The following CTSB variants were observed in gnomAD, a reference collection of about 807,000 sequenced individuals.
CTSB encodes the protein cathepsin B.
CTSB carries 57 observed loss-of-function variants against 44.3 expected under a neutral mutation model. The ratio of observed to expected loss-of-function variants is 1.29; its 90% CI spans 1.04 to 1.60. The LOEUF (loss-of-function observed/expected upper bound fraction) is 1.60, where lower values mean the gene tolerates loss of function less well. CTSB is among the 40% of genes most tolerant of loss of function. The pLI, the probability that CTSB is intolerant of heterozygous loss-of-function variation, is 0.00. For missense variants in CTSB, 768 were observed against 443.0 expected (o/e 1.73, Z -6.59); for synonymous variants, 320 against 168.0 (o/e 1.91, Z -7.00).
intron 1 of CTSB, among the ~76,000 whole-genome samples, chr8:11,866,660 GA>G (rs1817196717): frequency 6.6e-6 from 1 of 152,210 alleles, no homozygotes; most frequent in African/African-American, 2.4e-5. Flanking sequence ...AGGAGGTCAA[GA>G]TCTGCCTGGT....
At chr8:11,855,683 G>A (rs1036542728) in intron 1 of CTSB, among the ~76,000 whole-genome samples, 1 of 152,100 alleles carries the variant, frequency 6.6e-6, no homozygotes, top group Non-Finnish European at 1.5e-5. Context: ...TCAGAAAAAT[G>A]GAACCAGCAT....
At position 11,845,149 on chromosome 8, in the gene CTSB, G is replaced by A. The variant is rs759777408; in HGVS notation, c.996C>T (p.Thr332=). ...ESEVVAGIPR[T]DQYWEKI ...ATTAGATCTTTTCCCAGTACTGATC[G>A]GTGCGTGGAATTCCAGCCACCACTT... Residue 332 remains threonine (T), a synonymous_variant, in exon 10 of 10, where the codon ACC becomes ACT. Transcript: ENST00000353047. 124 of 1,613,406 alleles carry A rather than the reference G, an allele frequency of 7.7e-5. No individual in the cohort carries two copies. Among genetic ancestry groups the A allele is most frequent in the South Asian group, 1.4e-4 (13 of 91,072 alleles).
At chr8:11,848,613 C>T (rs936010692) in intron 5 of CTSB, 11 of 321,106 alleles carry the variant, frequency 3.4e-5, no homozygotes, top group Admixed American at 8.2e-5. Context: ...CAGTGAACAC[C>T]GCTACTGCGG....
intron 2 of CTSB, 27 bp from the exon 3 acceptor site, chr8:11,852,722 A>G (rs779915336): frequency 3.3e-5 from 53 of 1,606,876 alleles, no homozygotes; most frequent in Non-Finnish European, 3.5e-5. Context: ...CACTGACTGA[A>G]GGGTCTCCCG....
At chr8:11,853,142 CGTG>C (rs886270376) in intron 2 of CTSB, among the ~76,000 whole-genome samples, 184 bp downstream of exon 2, 2 of 152,012 alleles carry the variant, frequency 1.3e-5, no homozygotes. Context: ...CATGCACACA[CGTG>C]GGGTATGGGA....
At chr8:11,847,544 T>C in intron 7 of CTSB, 135 bp downstream of exon 7, 1 of 962,352 alleles carries the variant, frequency 1.0e-6, no homozygotes, top group Non-Finnish European at 1.5e-6. Flanking sequence ...CAAGAGGGCA[T>C]CACTCCCCCT....
At chr8:11,845,849 C>T in intron 8 of CTSB, 60 bp from the exon 9 acceptor site, 2 of 1,511,958 alleles carry the variant, frequency 1.3e-6, no homozygotes, top group Middle Eastern at 1.8e-4. Flanking sequence ...CCCCACAGCA[C>T]CCCCCACACT....
At chr8:11,862,731 CTG>C (rs1447983579) in intron 1 of CTSB, among the ~76,000 whole-genome samples, 1 of 152,248 alleles carries the variant, frequency 6.6e-6, no homozygotes, top group Non-Finnish European at 1.5e-5. Flanking sequence ...AGCTGTGTGA[CTG>C]TGTGTGTGCA....
rs11786618 is a variant in CTSB, at chr8:11,843,821, G to A, written c.*1304C>T. On this transcript the variant is annotated 3_prime_UTR_variant, in exon 10 of 10. Transcript: ENST00000353047. ...TGAGGCAGGCAGACCACCTGAGGCCGGGAGTTTGAAACTAGCCTGGCCAAC... is the reference window on the plus strand; with the variant it reads ...TGAGGCAGGCAGACCACCTGAGGCCAGGAGTTTGAAACTAGCCTGGCCAAC... 45,036 of 152,140 alleles carry A rather than the reference G, an allele frequency of 0.3. 7,918 individuals are homozygous for A. Among genetic ancestry groups the A allele is most frequent in the East Asian group, 0.48 (2,505 of 5,176 alleles). 9.4% of individuals were successfully genotyped at this position (152,140 alleles called of 1,614,324 possible).
At chr8:11,858,867 C>G (rs1815942587) in intron 1 of CTSB, among the ~76,000 whole-genome samples, 1 of 152,214 alleles carries the variant, frequency 6.6e-6, no homozygotes, top group Non-Finnish European at 1.5e-5. Flanking sequence ...ATTTTCACTT[C>G]CCTTTATATA....
chr8:11,861,663 C>T (rs1816436116), intron 1 of CTSB, among the ~76,000 whole-genome samples: 1 of 152,200 alleles, frequency 6.6e-6, no homozygotes, highest in African/African-American at 2.4e-5. Flanking sequence ...GCTTTTACTC[C>T]CCATTTCTGT....
chr8:11,853,402 CGGGCATTG>C lies in CTSB; in HGVS notation c.45_52del (p.Asn16GlufsTer11). 1 of 1,612,828 alleles carries C rather than the reference CGGGCATTG, an allele frequency of 6.2e-7. No homozygotes were observed. The highest frequency in any genetic ancestry group is 8.5e-7 in the Non-Finnish European group (1 of 1,179,804). ...CAGGGGATGGAAAGAGGGCCTGCTC[CGGGCATTG>C]GCCAACACCAGCAGGCAGCAGAGGG... On this transcript the variant is annotated frameshift_variant, in exon 2 of 10. Transcript: ENST00000353047. LOFTEE classifies it high-confidence loss of function.
At chr8:11,856,741 A>T (rs1056998891) in intron 1 of CTSB, among the ~76,000 whole-genome samples, 1 of 150,824 alleles carries the variant, frequency 6.6e-6, no homozygotes, top group Non-Finnish European at 1.5e-5. Context: ...CCCTCTCAGC[A>T]ATCTACACAT....
chr8:11,845,009 GC>G lies in CTSB; in HGVS notation c.*115del, dbSNP rs1399967123. The stretch of plus-strand genomic sequence containing the variant: ...CCTTGGAAGACAGGTCTGATGTTTG[GC>G]CAATCCAGTCCTTCAGACCCTGTCT... On this transcript the variant is annotated 3_prime_UTR_variant, in exon 10 of 10. Transcript: ENST00000353047. 9 of 711,672 alleles carry G rather than the reference GC, an allele frequency of 1.3e-5. No homozygotes were observed. The highest frequency in any genetic ancestry group is 1.9e-5 in the Non-Finnish European group (8 of 410,626). The allele number at this position is 711,672 out of a possible 1,614,324, so 44.1% of individuals were successfully genotyped here.
chr8:11,847,552 C>G (rs1813631863), intron 7 of CTSB, 127 bp downstream of exon 7: 1 of 1,043,960 alleles, frequency 9.6e-7, no homozygotes, highest in Non-Finnish European at 1.4e-6. Flanking sequence ...CATCACTCCC[C>G]CTCCTCTATC....
chr8:11,847,319 C>T (rs913012606), intron 7 of CTSB, 151 bp from the exon 8 acceptor site: 1 of 653,250 alleles, frequency 1.5e-6, no homozygotes, highest in Admixed American at 2.5e-5. Flanking sequence ...GGAAGGCTCC[C>T]CTGAAGAACT....
At chr8:11,846,374 A>G (rs1813342961) in intron 8 of CTSB, 1 of 152,390 alleles carries the variant, frequency 6.6e-6, no homozygotes, top group South Asian at 2.1e-4. Flanking sequence ...CCATCTTCAC[A>G]GAAACTTTTT....
In CTSB at chr8:11,853,496, G is replaced by C. The variant is rs1215012445; in HGVS notation, c.-25-17C>G. The C allele has an allele frequency of 6.3e-7, 1 of 1,599,820 alleles. No individual in the cohort carries two copies. The highest frequency in any genetic ancestry group is 8.5e-7 in the Non-Finnish European group (1 of 1,173,796). On this transcript the variant is annotated splice_polypyrimidine_tract_variant and intron_variant, in intron 1 of 9. Coordinates refer to ENST00000353047, the MANE Select transcript of CTSB (RefSeq NM_001908.5). ...TAGATCCACCTGGAGAGGACAGAGG[G>C]CATCAGGACACCTCTCTGTTATGTG...
At chr8:11,846,970 T>G in intron 8 of CTSB, 82 bp downstream of exon 8, 3 of 759,268 alleles carry the variant, frequency 4.0e-6, no homozygotes, top group Non-Finnish European at 2.3e-6. Context: ...AATCCAGCCC[T>G]ATTGGTCAAC....
Sources: gnomAD v4.1 joint callset for allele counts (sites outside exome capture counted in the v4.1 genomes callset) on GRCh38, gnomAD v4.1.1 for gene constraint, MANE v1.5 for transcripts, NCBI Gene and HGNC (gene_info 2026-07-23, HGNC 2026-07-21) for gene names.